The following SRRM4 variants were observed in gnomAD, a reference collection of about 807,000 sequenced individuals.
The protein encoded by SRRM4 is serine/arginine repetitive matrix protein 4.
SRRM4 carries 33 observed loss-of-function variants against 68.9 expected under a neutral mutation model. That is an observed-to-expected ratio of 0.48 (90% CI 0.36 to 0.64). The LOEUF is 0.64. SRRM4 is among the 30% of genes least tolerant of loss of function. The pLI is 0.00. For missense variants in SRRM4, 817 were observed against 827.1 expected, an observed-to-expected ratio of 0.99 and a Z score of 0.15; for synonymous variants, 318 against 318.8, an observed-to-expected ratio of 1.00 and a Z score of 0.03.
chr12:119,038,266 G>A (rs1360799608), intron 1 of SRRM4, among the ~76,000 whole-genome samples: 4 of 150,418 alleles, frequency 2.7e-5, no homozygotes, highest in East Asian at 2.0e-4. Context: ...GTGCAGTGGC[G>A]CCATCTCAGC....
chr12:119,040,863 C>A (rs1953663935), intron 1 of SRRM4, among the ~76,000 whole-genome samples: 1 of 152,082 alleles, frequency 6.6e-6, no homozygotes, highest in South Asian at 2.1e-4. Flanking sequence ...AATTCTCCTG[C>A]CTCAGCCTCC....
chr12:119,132,166 C>T (rs1191748373), intron 8 of SRRM4: 4 of 152,174 alleles, frequency 2.6e-5, no homozygotes, highest in Admixed American at 2.6e-4. Flanking sequence ...TTGCAGATGG[C>T]AAATGCCCAT....
At chr12:118,990,158 G>A (rs747895814) in intron 1 of SRRM4, among the ~76,000 whole-genome samples, 5 of 152,168 alleles carry the variant, frequency 3.3e-5, no homozygotes, top group Non-Finnish European at 5.9e-5. Flanking sequence ...GAATAGAAAT[G>A]ATCTGCTCAC....
Position 119,116,961 on chromosome 12 carries a change from T to G in SRRM4, c.390T>G (p.Pro130=). 6.2e-7 allele frequency: 1 copy of G among 1,613,808 alleles called. No homozygotes were observed. The highest frequency in any genetic ancestry group is 8.5e-7 in the Non-Finnish European group (1 of 1,179,822). The change falls in exon 4 of 13, where the codon CCT becomes CCG. Residue 130 remains proline, a synonymous_variant. Coordinates refer to ENST00000267260, the MANE Select transcript of SRRM4 (RefSeq NM_194286.4). ...GGTCCTCATCCTATAGCCCATCGCC[T>G]GTCAAGAAAAAGAAGAAGAAAAGTT... ...RRRSSSYSPS[P]VKKKKKKSSK...
chr12:119,112,065 A>AAAG (rs1489842107), intron 2 of SRRM4, among the ~76,000 whole-genome samples: 3 of 152,046 alleles, frequency 2.0e-5, no homozygotes, highest in African/African-American at 7.3e-5. Context: ...AAAAAAAAAA[A>AAAG]GAATTTGGAA....
At chr12:119,094,450 C>A (rs949454287) in intron 1 of SRRM4, among the ~76,000 whole-genome samples, 2 of 152,308 alleles carry the variant, frequency 1.3e-5, no homozygotes, top group African/African-American at 4.8e-5. Context: ...TTGAAAAGCA[C>A]CTGTCTACAT....
chr12:119,019,805 G>A (rs1318163609), intron 1 of SRRM4, among the ~76,000 whole-genome samples: 1 of 152,120 alleles, frequency 6.6e-6, no homozygotes, highest in Non-Finnish European at 1.5e-5. Flanking sequence ...GGTAGAAGGA[G>A]GATGTTTGAA....
At chr12:119,033,686 T>G (rs1420892877) in intron 1 of SRRM4, among the ~76,000 whole-genome samples, 1 of 151,984 alleles carries the variant, frequency 6.6e-6, no homozygotes, top group Non-Finnish European at 1.5e-5. Flanking sequence ...AATACTTTTC[T>G]CACCTTTAGA....
chr12:118,995,958 T>C (rs762028883), intron 1 of SRRM4, among the ~76,000 whole-genome samples: 3 of 152,204 alleles, frequency 2.0e-5, no homozygotes, highest in African/African-American at 4.8e-5. Flanking sequence ...CAGCAGTTTC[T>C]CTATTCATCC....
chr12:119,098,291 T>A (rs1245755119), intron 1 of SRRM4, among the ~76,000 whole-genome samples: 2 of 152,228 alleles, frequency 1.3e-5, no homozygotes, highest in African/African-American at 4.8e-5. Flanking sequence ...ACTGATCTTT[T>A]CTAAAAGAAA....
At chr12:119,136,981 C>T (rs1181214168) in intron 8 of SRRM4, among the ~76,000 whole-genome samples, 1 of 152,198 alleles carries the variant, frequency 6.6e-6, no homozygotes, top group Admixed American at 6.5e-5. Context: ...ATCTCCTCCT[C>T]CTCCCAGATG....
chr12:119,065,800 CATGGATGG>C (rs547539453), intron 1 of SRRM4, among the ~76,000 whole-genome samples: 62 of 151,630 alleles, frequency 4.1e-4, no homozygotes, highest in African/African-American at 1.4e-3. Context: ...TGAATGGATG[CATGGATGG>C]ATGGATGGAT....
At chr12:119,037,157 CTTGGT>C (rs1016359687) in intron 1 of SRRM4, among the ~76,000 whole-genome samples, 1 of 151,924 alleles carries the variant, frequency 6.6e-6, no homozygotes, top group African/African-American at 2.4e-5. Context: ...GTGGGTGGGT[CTTGGT>C]TTGGTCTGTT....
chr12:119,114,203 C>T (rs1041056421), intron 2 of SRRM4, 75 bp from the exon 3 acceptor site: 1 of 1,349,634 alleles, frequency 7.4e-7, no homozygotes. Flanking sequence ...TGGGTCCTTC[C>T]CTGGCTGCAC....
Position 119,151,226 on chromosome 12 carries a change from T to C in SRRM4, c.1280+6T>C. On this transcript the variant is annotated splice_donor_region_variant and intron_variant, in intron 10 of 12. Coordinates refer to ENST00000267260, the MANE Select transcript of SRRM4 (RefSeq NM_194286.4). ...TCCACCTCTTCTGAAAAAAGGTGAG[T>C]GTGGTTTTGACCTTTGCTCTGCAGC... is the stretch of plus-strand genomic sequence containing the variant. The C allele has an allele frequency of 6.2e-7, 1 of 1,613,064 alleles. No homozygotes were observed. Among genetic ancestry groups the C allele is most frequent in the African/African-American group, 1.3e-5 (1 of 74,998 alleles).
At chr12:119,104,634 G>A (rs547295654) in intron 2 of SRRM4, among the ~76,000 whole-genome samples, 24 of 151,970 alleles carry the variant, frequency 1.6e-4, no homozygotes, top group African/African-American at 3.6e-4. Context: ...TCTTGTTGAC[G>A]ATGATCAAGA....
At chr12:119,062,192 T>A (rs1471697830) in intron 1 of SRRM4, among the ~76,000 whole-genome samples, 1 of 152,198 alleles carries the variant, frequency 6.6e-6, no homozygotes, top group Non-Finnish European at 1.5e-5. Context: ...AAAAGGTACA[T>A]TAAAATACAG....
chr12:119,124,087 G>T lies in SRRM4; in HGVS notation c.516-1294G>T, dbSNP rs575996481. 2.5e-3 allele frequency among the ~76,000 whole-genome samples: 388 copies of T among 152,308 alleles called. 1 individual carries two copies. Among genetic ancestry groups the T allele is most frequent in the Non-Finnish European group, 4.5e-3 (308 of 68,032 alleles). ...CATCTGTAAGATGGGAATAATAAGA[G>T]AATCTATTTCATAGGTTATTATGAA... On this transcript the variant is annotated intron_variant, in intron 6 of 12. Transcript: ENST00000267260.
At chr12:119,025,133 G>A (rs967691413) in intron 1 of SRRM4, among the ~76,000 whole-genome samples, 3 of 152,140 alleles carry the variant, frequency 2.0e-5, no homozygotes, top group Non-Finnish European at 2.9e-5. Context: ...GTGTGTGTGT[G>A]TATTTGTGTG....
Sources: allele counts gnomAD v4.1 joint callset (sites outside exome capture counted in the v4.1 genomes callset), GRCh38; gene constraint gnomAD v4.1.1; transcripts MANE v1.5; gene names NCBI Gene and HGNC (gene_info 2026-07-23, HGNC 2026-07-21).